RFX3: variants seen among roughly 807,000 people sequenced by gnomAD.
The protein encoded by RFX3 is transcription factor RFX3.
RFX3 carries 14 observed loss-of-function variants against 98.6 expected under a neutral mutation model. That is an observed-to-expected ratio of 0.14 (90% CI 0.09 to 0.22). The LOEUF is 0.22. Ranked by LOEUF, RFX3 falls within the 10% of genes least tolerant of loss-of-function variation. RFX3 has a pLI of 1.00. For missense variants in RFX3, 639 were observed against 926.9 expected, an observed-to-expected ratio of 0.69 and a Z score of 4.03; for synonymous variants, 383 against 328.4, an observed-to-expected ratio of 1.17 and a Z score of -1.80.
chr9:3,429,205 G>A (rs1271542609), intron 1 of RFX3, among the ~76,000 whole-genome samples: 1 of 150,624 alleles, frequency 6.6e-6, no homozygotes, highest in Non-Finnish European at 1.5e-5. Context: ...TGTATTTTTA[G>A]TAGAAACGGG....
intron 2 of RFX3, among the ~76,000 whole-genome samples, chr9:3,385,486 A>G (rs940811178): frequency 1.3e-5 from 2 of 152,002 alleles, no homozygotes; most frequent in Non-Finnish European, 2.9e-5. Flanking sequence ...TGAGACGGGT[A>G]GATCACCTAA....
intron 2 of RFX3, chr9:3,364,448 G>A: frequency 3.8e-6 from 1 of 259,888 alleles, no homozygotes; most frequent in Non-Finnish European, 7.5e-6. Flanking sequence ...AATTTGAAGG[G>A]CCACAGGAAG....
At chr9:3,462,972 T>A (rs1181322213) in intron 1 of RFX3, among the ~76,000 whole-genome samples, 1 of 152,086 alleles carries the variant, frequency 6.6e-6, no homozygotes, top group Admixed American at 6.5e-5. Context: ...CCAATATTGT[T>A]TAATATATTA....
At chr9:3,504,103 C>T (rs1175032231) in intron 1 of RFX3, among the ~76,000 whole-genome samples, 1 of 136,274 alleles carries the variant, frequency 7.3e-6, no homozygotes, top group Non-Finnish European at 1.5e-5. Flanking sequence ...ATACATCTTT[C>T]TCTCTCTCTC....
chr9:3,514,484 C>G (rs1255659117), intron 1 of RFX3, among the ~76,000 whole-genome samples: 1 of 151,448 alleles, frequency 6.6e-6, no homozygotes, highest in Non-Finnish European at 1.5e-5. Flanking sequence ...TTTTTTGAGA[C>G]AGGGTTTCCC....
chr9:3,270,081 G>GGAAAGAAAGAAAGAAA (rs57222273), intron 11 of RFX3, among the ~76,000 whole-genome samples: 4,270 of 137,754 alleles, frequency 0.031, 140 homozygotes, highest in African/African-American at 0.064. Flanking sequence ...AGAGAAAGAA[G>GGAAAGAAAGAAAGAAA]GAAAGAAAGA....
At chr9:3,416,515 T>C (rs1842995635) in intron 1 of RFX3, among the ~76,000 whole-genome samples, 1 of 152,088 alleles carries the variant, frequency 6.6e-6, no homozygotes, top group Non-Finnish European at 1.5e-5. Context: ...AAAAAGCCAA[T>C]AGAAGGGCAT....
intron 2 of RFX3, among the ~76,000 whole-genome samples, chr9:3,353,093 A>G (rs1320652734): frequency 6.6e-6 from 1 of 151,854 alleles, no homozygotes; most frequent in Non-Finnish European, 1.5e-5. Context: ...AAACTATCGC[A>G]AGGACAAAAA....
chr9:3,355,710 C>G (rs1176042186), intron 2 of RFX3, among the ~76,000 whole-genome samples: 3 of 151,784 alleles, frequency 2.0e-5, no homozygotes, highest in African/African-American at 7.3e-5. Context: ...ACGTCATAAT[C>G]TATGTAACAA....
chr9:3,408,730 C>T (rs1391823989), intron 1 of RFX3, among the ~76,000 whole-genome samples: 3 of 151,998 alleles, frequency 2.0e-5, no homozygotes, highest in Non-Finnish European at 2.9e-5. Context: ...CGCAAATAAA[C>T]ACAGAGGGAG....
intron 1 of RFX3, among the ~76,000 whole-genome samples, chr9:3,496,886 G>A (rs371318255): frequency 2.7e-4 from 41 of 151,930 alleles, no homozygotes; most frequent in African/African-American, 9.7e-4. Context: ...ATGTGGAACT[G>A]GCATACAACT....
chr9:3,418,228 T>A (rs1843140088), intron 1 of RFX3, among the ~76,000 whole-genome samples: 1 of 152,200 alleles, frequency 6.6e-6, no homozygotes. Flanking sequence ...TATAAAATGG[T>A]ATAAATAGTT....
intron 1 of RFX3, 36 bp from the exon 2 acceptor site, chr9:3,395,632 G>A (rs751680659): frequency 1.2e-6 from 2 of 1,605,982 alleles, no homozygotes; most frequent in South Asian, 1.1e-5. Flanking sequence ...AGTTTAAAAT[G>A]TCACTCCTGC....
chr9:3,406,175 C>T (rs894055254), intron 1 of RFX3, among the ~76,000 whole-genome samples: 2 of 151,856 alleles, frequency 1.3e-5, no homozygotes, highest in African/African-American at 2.4e-5. Context: ...GTTGCCCACC[C>T]TAGTCTCAAA....
At position 3,369,355 on chromosome 9, in the gene RFX3, C is replaced by A. The variant is rs140127315; in HGVS notation, c.118-22591G>T. 1.6e-3 allele frequency among the ~76,000 whole-genome samples: 245 copies of A among 152,270 alleles called. 2 individuals are homozygous for A. Among genetic ancestry groups the A allele is most frequent in the African/African-American group, 5.4e-3 (225 of 41,562 alleles). On this transcript the variant is annotated intron_variant, in intron 2 of 16. Coordinates refer to ENST00000617270, the MANE Select transcript of RFX3 (RefSeq NM_001282116.2). The stretch of plus-strand genomic sequence containing the variant: ...CTCTAGGTTGTCTTTTGTAAGTACA[C>A]TAATCCTATTCATAAGGACTCCATC...
At chr9:3,242,432 G>A (rs1050712325) in intron 15 of RFX3, among the ~76,000 whole-genome samples, 1 of 150,524 alleles carries the variant, frequency 6.6e-6, no homozygotes, top group East Asian at 1.9e-4. Flanking sequence ...AAACTATCTC[G>A]ACTTGTGATA....
At chr9:3,232,725 T>A (rs1818628404) in intron 15 of RFX3, among the ~76,000 whole-genome samples, 1 of 151,670 alleles carries the variant, frequency 6.6e-6, no homozygotes, top group Non-Finnish European at 1.5e-5. Context: ...GTAGTAAATA[T>A]GGTGTTGTTA....
intron 2 of RFX3, among the ~76,000 whole-genome samples, chr9:3,371,956 A>G (rs777847237): frequency 6.6e-6 from 1 of 152,208 alleles, no homozygotes; most frequent in East Asian, 1.9e-4. Context: ...CTATAAATTC[A>G]TATCTTTGAA....
chr9:3,302,593 T>A (rs1454886809), intron 4 of RFX3, among the ~76,000 whole-genome samples: 1 of 151,822 alleles, frequency 6.6e-6, no homozygotes, highest in Non-Finnish European at 1.5e-5. Context: ...CTTAACAGTC[T>A]GATTACATCA....
Sources: allele counts gnomAD v4.1 joint callset (sites outside exome capture counted in the v4.1 genomes callset), GRCh38; gene constraint gnomAD v4.1.1; transcripts MANE v1.5; gene names NCBI Gene and HGNC (gene_info 2026-07-23, HGNC 2026-07-21).